AKR1C8: variants seen among roughly 807,000 people sequenced by gnomAD.
AKR1C8 encodes the protein aldo-keto reductase family 1 member C-like protein 1.
chr10:5,180,767 C>T, the AKR1C8 span, among the ~76,000 whole-genome samples: 11 of 152,322 alleles, frequency 7.2e-5, no homozygotes, highest in East Asian at 3.9e-4. Flanking sequence ...AGCTAGACTC[C>T]GTGGACATAG....
the AKR1C8 span, among the ~76,000 whole-genome samples, chr10:5,139,792 T>C: frequency 6.6e-6 from 1 of 151,962 alleles, no homozygotes; most frequent in Non-Finnish European, 1.5e-5. Flanking sequence ...AAAGCCAAAA[T>C]AGACAAATGG....
At chr10:5,168,555 T>C in the AKR1C8 span, among the ~76,000 whole-genome samples, 3 of 152,114 alleles carry the variant, frequency 2.0e-5, no homozygotes, top group African/African-American at 4.8e-5. Context: ...CCCTGATAGA[T>C]ACATGAAGGC....
At chr10:5,129,238 T>C in the AKR1C8 span, among the ~76,000 whole-genome samples, 6 of 151,958 alleles carry the variant, frequency 3.9e-5, no homozygotes, top group African/African-American at 1.4e-4. Context: ...TAAATTATAA[T>C]AGTGACACAA....
the AKR1C8 span, among the ~76,000 whole-genome samples, chr10:5,177,360 G>A: frequency 4.6e-5 from 7 of 152,202 alleles, no homozygotes; most frequent in African/African-American, 1.4e-4. Context: ...GCTTTTTGAT[G>A]TGCTGCTGGA....
At chr10:5,124,066 C>A in the AKR1C8 span, among the ~76,000 whole-genome samples, 2 of 152,150 alleles carry the variant, frequency 1.3e-5, no homozygotes, top group East Asian at 3.9e-4. Context: ...CAGTATCTAA[C>A]TACCTTTGAC....
the AKR1C8 span, among the ~76,000 whole-genome samples, chr10:5,152,489 A>G: frequency 2.0e-5 from 3 of 152,212 alleles, no homozygotes; most frequent in African/African-American, 7.2e-5. Flanking sequence ...CCAGGATCAA[A>G]CTACAACTCA....
the AKR1C8 span, among the ~76,000 whole-genome samples, chr10:5,165,251 T>G: frequency 6.6e-6 from 1 of 152,172 alleles, no homozygotes; most frequent in Non-Finnish European, 1.5e-5. Context: ...AGTTTCTTTA[T>G]GAAGCAAATT....
At chr10:5,142,983 C>T in the AKR1C8 span, among the ~76,000 whole-genome samples, 1 of 151,958 alleles carries the variant, frequency 6.6e-6, no homozygotes, top group Non-Finnish European at 1.5e-5. Flanking sequence ...GTACTGTGTT[C>T]ATAAATGGGT....
chr10:5,146,493 C>T, the AKR1C8 span, among the ~76,000 whole-genome samples: 3 of 151,924 alleles, frequency 2.0e-5, no homozygotes, highest in Non-Finnish European at 4.4e-5. Context: ...CTAGATATCC[C>T]GAGAGAGAAG....
chr10:5,125,993 C>T, the AKR1C8 span, among the ~76,000 whole-genome samples: 26 of 152,260 alleles, frequency 1.7e-4, no homozygotes, highest in Non-Finnish European at 2.4e-4. Context: ...TCCCGTAGCA[C>T]AAAAATATCC....
chr10:5,127,191 A>G, the AKR1C8 span, among the ~76,000 whole-genome samples: 3 of 152,300 alleles, frequency 2.0e-5, no homozygotes, highest in East Asian at 5.8e-4. Context: ...GATATCACAG[A>G]AAGGTGAAAA....
chr10:5,132,598 G>T, the AKR1C8 span: 1 of 1,558,314 alleles, frequency 6.4e-7, no homozygotes, highest in Admixed American at 1.8e-5. Flanking sequence ...CATAGGCACA[G>T]TACCTTTGAA....
the AKR1C8 span, among the ~76,000 whole-genome samples, chr10:5,127,957 T>C: frequency 6.6e-6 from 1 of 151,862 alleles, no homozygotes; most frequent in Non-Finnish European, 1.5e-5. Flanking sequence ...ATTGCAAAAA[T>C]ATTACCACCA....
the AKR1C8 span, among the ~76,000 whole-genome samples, chr10:5,138,195 G>A: frequency 6.6e-6 from 1 of 152,004 alleles, no homozygotes; most frequent in African/African-American, 2.4e-5. Context: ...TAAGCCCAAG[G>A]GTACTGCAGG....
chr10:5,142,656 G>T, the AKR1C8 span, among the ~76,000 whole-genome samples: 2 of 152,074 alleles, frequency 1.3e-5, no homozygotes, highest in Non-Finnish European at 2.9e-5. Flanking sequence ...TCACTGAAGC[G>T]GTCAGAAGAC....
the AKR1C8 span, chr10:5,155,394 G>A: frequency 5.7e-6 from 1 of 176,240 alleles, no homozygotes; most frequent in Non-Finnish European, 1.2e-5. Context: ...AGACTCATAG[G>A]CAGTGGGCCC....
At chr10:5,136,673 A>C in the AKR1C8 span, among the ~76,000 whole-genome samples, 2 of 152,196 alleles carry the variant, frequency 1.3e-5, no homozygotes, top group Non-Finnish European at 2.9e-5. Context: ...AAATGGCTTA[A>C]ATTTCCACAT....
the AKR1C8 span, among the ~76,000 whole-genome samples, chr10:5,172,339 A>G: frequency 6.6e-6 from 1 of 152,124 alleles, no homozygotes; most frequent in Non-Finnish European, 1.5e-5. Flanking sequence ...ACTTTAGGAC[A>G]AGAAGTTACC....
At chr10:5,150,822 G>C in the AKR1C8 span, among the ~76,000 whole-genome samples, 15 of 152,222 alleles carry the variant, frequency 9.9e-5, no homozygotes, top group South Asian at 1.0e-3. Flanking sequence ...AGACAACATT[G>C]TAACTGCCCG....
Sources: gnomAD v4.1 joint callset for allele counts (sites outside exome capture counted in the v4.1 genomes callset) on GRCh38, gnomAD v4.1.1 for gene constraint, MANE v1.5 for transcripts, NCBI Gene and HGNC (gene_info 2026-07-23, HGNC 2026-07-21) for gene names.